Variants in ARK2N observed in about 807,000 individuals in gnomAD.
The protein encoded by ARK2N is arkadia (RNF111) N-terminal like PKA signaling regulator 2N.
the ARK2N span, chr18:46,265,410 A>G: frequency 2.0e-5 from 3 of 152,392 alleles, no homozygotes; most frequent in Non-Finnish European, 4.4e-5. Flanking sequence ...CATCCTCTAC[A>G]GAGTTGGCGT....
the ARK2N span, among the ~76,000 whole-genome samples, chr18:46,193,760 G>T: frequency 6.6e-6 from 1 of 151,014 alleles, no homozygotes; most frequent in African/African-American, 2.4e-5. Context: ...CAACACGCCT[G>T]GCTGATTTTT....
chr18:46,174,908 G>A, the ARK2N span, among the ~76,000 whole-genome samples: 1 of 152,224 alleles, frequency 6.6e-6, no homozygotes, highest in Non-Finnish European at 1.5e-5. Flanking sequence ...TATAGGCTTG[G>A]CGCCGCCTGC....
the ARK2N span, among the ~76,000 whole-genome samples, chr18:46,233,295 A>G: frequency 6.6e-6 from 1 of 152,188 alleles, no homozygotes; most frequent in Non-Finnish European, 1.5e-5. Flanking sequence ...AGCAGGGTAC[A>G]TAGACATAGG....
the ARK2N span, among the ~76,000 whole-genome samples, chr18:46,201,881 G>A: frequency 6.6e-6 from 1 of 151,310 alleles, no homozygotes; most frequent in East Asian, 1.9e-4. Flanking sequence ...GGGTTCAAGC[G>A]ATTCTCCTCC....
At chr18:46,262,245 T>G in the ARK2N span, among the ~76,000 whole-genome samples, 1 of 152,210 alleles carries the variant, frequency 6.6e-6, no homozygotes, top group Non-Finnish European at 1.5e-5. Context: ...GAACTCTTGG[T>G]GTGACTTGCT....
the ARK2N span, among the ~76,000 whole-genome samples, chr18:46,235,697 T>A: frequency 6.6e-6 from 1 of 152,218 alleles, no homozygotes; most frequent in Non-Finnish European, 1.5e-5. Context: ...ATGAGAACAA[T>A]TATAGTCTAT....
chr18:46,194,355 C>A, the ARK2N span, among the ~76,000 whole-genome samples: 1 of 151,958 alleles, frequency 6.6e-6, no homozygotes, highest in African/African-American at 2.4e-5. Flanking sequence ...AATCCCAGCA[C>A]CTTGGGAGGC....
At chr18:46,261,795 A>G in the ARK2N span, among the ~76,000 whole-genome samples, 1 of 152,154 alleles carries the variant, frequency 6.6e-6, no homozygotes, top group Non-Finnish European at 1.5e-5. Flanking sequence ...GTAAGGGAGA[A>G]GTTATCAGAT....
the ARK2N span, among the ~76,000 whole-genome samples, chr18:46,251,862 C>CA: frequency 1.3e-5 from 2 of 152,076 alleles, no homozygotes; most frequent in Non-Finnish European, 2.9e-5. Flanking sequence ...CTGTAGCTTC[C>CA]AAAAGGTTTA....
At chr18:46,248,040 A>G in the ARK2N span, among the ~76,000 whole-genome samples, 10 of 152,362 alleles carry the variant, frequency 6.6e-5, no homozygotes, top group East Asian at 1.7e-3. Context: ...ATGAGTATTC[A>G]TGATAGCAGG....
At chr18:46,251,732 A>G in the ARK2N span, among the ~76,000 whole-genome samples, 1 of 152,236 alleles carries the variant, frequency 6.6e-6, no homozygotes, top group African/African-American at 2.4e-5. Context: ...GCTACATAGC[A>G]CTGTAATGAA....
At chr18:46,207,788 A>G in the ARK2N span, among the ~76,000 whole-genome samples, 1 of 152,176 alleles carries the variant, frequency 6.6e-6, no homozygotes, top group Non-Finnish European at 1.5e-5. Context: ...CAACCCTTCC[A>G]TAATCTGTTT....
the ARK2N span, among the ~76,000 whole-genome samples, chr18:46,201,018 C>T: frequency 7.0e-6 from 1 of 142,006 alleles, no homozygotes; most frequent in Non-Finnish European, 1.5e-5. Context: ...CTTGCTCTGT[C>T]ACCCAGGCTG....
At chr18:46,249,969 A>G in the ARK2N span, among the ~76,000 whole-genome samples, 3 of 152,178 alleles carry the variant, frequency 2.0e-5, no homozygotes, top group South Asian at 2.1e-4. Context: ...CTGTAGTTGC[A>G]CACCACCACG....
At chr18:46,219,874 A>T in the ARK2N span, among the ~76,000 whole-genome samples, 1 of 152,208 alleles carries the variant, frequency 6.6e-6, no homozygotes. Flanking sequence ...TCTCTGTAAA[A>T]GCAGTTTTGA....
the ARK2N span, among the ~76,000 whole-genome samples, chr18:46,258,027 A>G: frequency 6.6e-6 from 1 of 151,962 alleles, no homozygotes; most frequent in South Asian, 2.1e-4. Flanking sequence ...CCTGGGTTCA[A>G]GCAATTCTCC....
At chr18:46,238,246 A>C in the ARK2N span, among the ~76,000 whole-genome samples, 1 of 152,212 alleles carries the variant, frequency 6.6e-6, no homozygotes, top group Non-Finnish European at 1.5e-5. Context: ...TAAATTTTAA[A>C]ATAACTCACT....
At chr18:46,211,732 G>A in the ARK2N span, among the ~76,000 whole-genome samples, 1 of 152,176 alleles carries the variant, frequency 6.6e-6, no homozygotes. Context: ...GTTTAGATTG[G>A]AGGGAAGAAC....
chr18:46,197,217 T>G, the ARK2N span, among the ~76,000 whole-genome samples: 4 of 152,178 alleles, frequency 2.6e-5, no homozygotes, highest in Admixed American at 2.6e-4. Context: ...CCAGATATAC[T>G]TAACTCCCAA....
Sources: allele counts gnomAD v4.1 joint callset (sites outside exome capture counted in the v4.1 genomes callset), GRCh38; gene constraint gnomAD v4.1.1; transcripts MANE v1.5; gene names NCBI Gene and HGNC (gene_info 2026-07-23, HGNC 2026-07-21).